Variants in ARHGAP32 observed in about 807,000 individuals in gnomAD.
ARHGAP32 encodes the protein rho GTPase-activating protein 32.
Under a neutral mutation model 186.5 loss-of-function variants are expected in ARHGAP32, and 51 were observed. The observed-to-expected ratio is 0.27, with a 90% CI of 0.22 to 0.35. ARHGAP32 has a LOEUF of 0.35. Ranked by LOEUF, ARHGAP32 falls within the 10% of genes least tolerant of loss-of-function variation. The pLI is 1.00. For missense variants in ARHGAP32, 2,186 were observed against 2,623.5 expected, an observed-to-expected ratio of 0.83 and a Z score of 3.64; for synonymous variants, 950 against 964.3, an observed-to-expected ratio of 0.99 and a Z score of 0.27.
intron 2 of ARHGAP32, among the ~76,000 whole-genome samples, chr11:129,128,510 A>G (rs868839467): frequency 2.6e-5 from 4 of 152,232 alleles, no homozygotes; most frequent in Non-Finnish European, 4.4e-5. Context: ...ATTATTATCT[A>G]TGAAAGTCTA....
intron 11 of ARHGAP32, among the ~76,000 whole-genome samples, chr11:129,001,658 G>A (rs753342654): frequency 3.3e-5 from 5 of 152,068 alleles, no homozygotes; most frequent in South Asian, 2.1e-4. Context: ...GCCCATGCTC[G>A]TCTGGTGTTA....
At chr11:129,266,281 G>T (rs555661779) in intron 1 of ARHGAP32, among the ~76,000 whole-genome samples, 3 of 152,064 alleles carry the variant, frequency 2.0e-5, no homozygotes, top group Admixed American at 6.5e-5. Context: ...TAATAAGAAG[G>T]GCACAAAACC....
At chr11:129,060,358 T>C (rs566957422) in intron 10 of ARHGAP32, among the ~76,000 whole-genome samples, 1 of 148,412 alleles carries the variant, frequency 6.7e-6, no homozygotes, top group African/African-American at 2.5e-5. Context: ...GATAGATAGA[T>C]AGATAGATAG....
intron 1 of ARHGAP32, among the ~76,000 whole-genome samples, chr11:129,219,962 G>A (rs1167434126): frequency 6.6e-6 from 1 of 151,816 alleles, no homozygotes; most frequent in Non-Finnish European, 1.5e-5. Context: ...AATAAAACCT[G>A]GCCATACAGT....
At chr11:129,014,841 A>G (rs1695621470) in intron 11 of ARHGAP32, among the ~76,000 whole-genome samples, 1 of 152,238 alleles carries the variant, frequency 6.6e-6, no homozygotes, top group Non-Finnish European at 1.5e-5. Context: ...ACTGGATTAC[A>G]TAATGTTTAA....
intron 1 of ARHGAP32, among the ~76,000 whole-genome samples, chr11:129,207,798 G>T (rs187022704): frequency 5.9e-5 from 9 of 152,098 alleles, no homozygotes. Context: ...TAAAATAATA[G>T]AAAGTACAAA....
At chr11:129,210,077 A>T (rs1458780460) in intron 1 of ARHGAP32, among the ~76,000 whole-genome samples, 3 of 152,202 alleles carry the variant, frequency 2.0e-5, no homozygotes, top group African/African-American at 7.2e-5. Flanking sequence ...TGAAATTAGG[A>T]ACATTTGCCT....
At chr11:129,203,718 C>CG (rs1555112651) in intron 1 of ARHGAP32, among the ~76,000 whole-genome samples, 2 of 81,604 alleles carry the variant, frequency 2.5e-5, no homozygotes, top group Non-Finnish European at 4.8e-5. Context: ...CTTGTCTCTA[C>CG]AAAAAAAAAA....
intron 1 of ARHGAP32, among the ~76,000 whole-genome samples, chr11:129,242,971 T>C (rs562107434): frequency 6.6e-6 from 1 of 152,274 alleles, no homozygotes; most frequent in East Asian, 1.9e-4. Context: ...TCCACTTCAA[T>C]GGCTTCATCT....
intron 6 of ARHGAP32, among the ~76,000 whole-genome samples, chr11:129,084,124 T>C (rs937027356): frequency 2.0e-5 from 3 of 152,116 alleles, no homozygotes; most frequent in East Asian, 1.9e-4. Flanking sequence ...GAAAAAGATA[T>C]AGGCCTTAAA....
chr11:129,239,728 C>G (rs1235817671), intron 1 of ARHGAP32, among the ~76,000 whole-genome samples: 1 of 152,112 alleles, frequency 6.6e-6, no homozygotes. Flanking sequence ...ATGCTCTATA[C>G]TATTCCACCT....
rs951304839 is a variant in ARHGAP32 at position 129,276,323 on chromosome 11, C to T, written c.-5+2823G>A. ...TGTTGTTGTTGTTGTTGTTTTGAGACAGGATCTCACTCTGTTGACCAGGCT... is the reference window on the plus strand; with the variant it reads ...TGTTGTTGTTGTTGTTGTTTTGAGATAGGATCTCACTCTGTTGACCAGGCT... On this transcript the variant is annotated intron_variant, in intron 1 of 6. Transcript: ENST00000525234. Among the ~76,000 whole-genome samples the T allele has an allele frequency of 2.6e-5, 4 of 151,822 alleles. No individual in the cohort carries two copies. The East Asian group carries it at 5.8e-4, about 22-fold the overall frequency.
intron 1 of ARHGAP32, among the ~76,000 whole-genome samples, chr11:129,168,431 C>G (rs1017798391): frequency 6.6e-6 from 1 of 152,018 alleles, no homozygotes; most frequent in African/African-American, 2.4e-5. Flanking sequence ...TAAAGGGAGA[C>G]GTTTCATAAA....
chr11:129,276,199 CA>C (rs1455632390), intron 1 of ARHGAP32, among the ~76,000 whole-genome samples: 2 of 152,222 alleles, frequency 1.3e-5, no homozygotes, highest in East Asian at 3.8e-4. Flanking sequence ...CCAGAGAGTT[CA>C]AAATTGCAAG....
At chr11:129,077,542 A>G (rs1388756859) in intron 6 of ARHGAP32, among the ~76,000 whole-genome samples, 1 of 152,044 alleles carries the variant, frequency 6.6e-6, no homozygotes, top group Non-Finnish European at 1.5e-5. Flanking sequence ...CAACTTCCCT[A>G]GCGACCTGTA....
At chr11:129,049,316 A>G (rs556633752) in intron 10 of ARHGAP32, among the ~76,000 whole-genome samples, 4 of 152,206 alleles carry the variant, frequency 2.6e-5, no homozygotes, top group Non-Finnish European at 5.9e-5. Flanking sequence ...GACAGATATG[A>G]TCAACTGGAT....
intron 11 of ARHGAP32, among the ~76,000 whole-genome samples, chr11:129,025,314 T>C (rs1938787020): frequency 6.6e-6 from 1 of 152,220 alleles, no homozygotes; most frequent in Non-Finnish European, 1.5e-5. Flanking sequence ...TGATTGAATT[T>C]ATTCTTTCCT....
chr11:129,234,496 C>A (rs980906955), intron 1 of ARHGAP32, among the ~76,000 whole-genome samples: 1 of 152,002 alleles, frequency 6.6e-6, no homozygotes, highest in African/African-American at 2.4e-5. Context: ...AGTGCTAAGA[C>A]CTATTATCTT....
intron 11 of ARHGAP32, among the ~76,000 whole-genome samples, chr11:129,003,223 T>C (rs2134767248): frequency 6.6e-6 from 1 of 152,350 alleles, no homozygotes; most frequent in Admixed American, 6.5e-5. Flanking sequence ...TATCCTTGCA[T>C]CCCTGGGATA....
Sources: gnomAD v4.1 joint callset for allele counts (sites outside exome capture counted in the v4.1 genomes callset) on GRCh38, gnomAD v4.1.1 for gene constraint, MANE v1.5 for transcripts, NCBI Gene and HGNC (gene_info 2026-07-23, HGNC 2026-07-21) for gene names.